The following GRIK4 variants were observed in gnomAD, a reference collection of about 807,000 sequenced individuals.
GRIK4 encodes glutamate receptor ionotropic, kainate 4.
Under a neutral mutation model 104.9 loss-of-function variants are expected in GRIK4, and 40 were observed. That is an observed-to-expected ratio of 0.38 (90% CI 0.30 to 0.50). GRIK4 has a LOEUF of 0.50. Among genes scored for constraint, GRIK4 ranks in the 20% least tolerant of loss-of-function variants. The probability of loss-of-function intolerance (pLI) is 0.93; values close to 1 mark genes in which losing one functional copy is unlikely to be tolerated. For missense variants in GRIK4, 1,047 were observed against 1,308.1 expected, an observed-to-expected ratio of 0.80 and a Z score of 3.08; for synonymous variants, 485 against 524.9, an observed-to-expected ratio of 0.92 and a Z score of 1.04.
At position 120,731,793 on chromosome 11, in the gene GRIK4, G is replaced by A. The variant is rs775407835; in HGVS notation, c.83-70900G>A. The stretch of plus-strand genomic sequence containing the variant: ...TCCTCCTGGTTCAATCTTGGAGGCC[G>A]TATCTAGGAATTTGTCTATTTCTTC... On this transcript the variant is annotated intron_variant, in intron 3 of 20. Coordinates refer to ENST00000527524, the MANE Select transcript of GRIK4 (RefSeq NM_014619.5). 4.6e-5 allele frequency among the ~76,000 whole-genome samples: 7 copies of A among 152,150 alleles called. 1 individual carries two copies. The South Asian group carries it at 6.2e-4, about 14-fold the overall frequency.
At chr11:120,587,217 G>A (rs1948677121) in intron 1 of GRIK4, among the ~76,000 whole-genome samples, 1 of 152,072 alleles carries the variant, frequency 6.6e-6, no homozygotes, top group South Asian at 2.1e-4. Context: ...TGATATAAGG[G>A]GAACTGGAAT....
In GRIK4 at chr11:120,986,323, C is replaced by T. The variant is rs560452399; in HGVS notation, c.*63C>T. On this transcript the variant is annotated 3_prime_UTR_variant, in exon 21 of 21. Transcript: ENST00000527524. ...CGGGAGGGGAGGGGCGGGGCGGGCG[C>T]TGCTGTCAGCCGCCAGCCGGAACTT... is the stretch of plus-strand genomic sequence containing the variant. 101 of 1,414,084 alleles carry T rather than the reference C, an allele frequency of 7.1e-5. No homozygotes were observed. The Middle Eastern group carries it at 1.5e-3, about 21-fold the overall frequency. The allele number at this position is 1,414,084 out of a possible 1,614,324, so 87.6% of individuals were successfully genotyped here. A position where few individuals can be genotyped will look rare whatever the true frequency, so the allele number is the denominator to read the frequency against.
intron 3 of GRIK4, among the ~76,000 whole-genome samples, chr11:120,669,422 C>A (rs1248451139): frequency 2.0e-5 from 3 of 152,162 alleles, no homozygotes; most frequent in Admixed American, 2.0e-4. Context: ...ACAGTGGGCT[C>A]CTGATTTTTC....
chr11:120,581,113 G>T lies in GRIK4; in HGVS notation c.-159+69226G>T, dbSNP rs192176496. Among the ~76,000 whole-genome samples the T allele has an allele frequency of 8.5e-4, 130 of 152,120 alleles. 1 individual carries two copies. The East Asian group carries it at 0.02, about 24-fold the overall frequency. ...TCTTTTGTACATTTTTATATTGGTT[G>T]TTATTATTGCATTTTGAGAGTTCTT... On this transcript the variant is annotated intron_variant, in intron 1 of 20. Transcript: ENST00000527524.
chr11:120,884,218 A>C (rs1005324882), intron 11 of GRIK4, among the ~76,000 whole-genome samples: 6 of 152,254 alleles, frequency 3.9e-5, no homozygotes, highest in Admixed American at 2.6e-4. Flanking sequence ...CTTTATGTGC[A>C]TCATAAAATT....
chr11:120,627,484 G>A (rs1949276226), intron 1 of GRIK4, among the ~76,000 whole-genome samples: 1 of 152,210 alleles, frequency 6.6e-6, no homozygotes, highest in African/African-American at 2.4e-5. Context: ...GGTTGTGCTA[G>A]CTCCTTCCAG....
chr11:120,619,894 C>A, intron 1 of GRIK4: 13 of 223,794 alleles, frequency 5.8e-5, no homozygotes, highest in South Asian at 1.6e-4. Flanking sequence ...TTTTTTAATA[C>A]TGAAAAGAGT....
At chr11:120,772,765 G>A (rs376915678) in intron 3 of GRIK4, among the ~76,000 whole-genome samples, 37 of 152,076 alleles carry the variant, frequency 2.4e-4, no homozygotes, top group African/African-American at 8.4e-4. Flanking sequence ...ATGGGATCTA[G>A]CATGCTGCTG....
At chr11:120,565,241 C>T (rs770644192) in intron 1 of GRIK4, among the ~76,000 whole-genome samples, 4 of 152,218 alleles carry the variant, frequency 2.6e-5, no homozygotes, top group Non-Finnish European at 5.9e-5. Context: ...GGCTGCTGAC[C>T]TCATTAGGCC....
intron 8 of GRIK4, among the ~76,000 whole-genome samples, chr11:120,839,040 G>T (rs1953652426): frequency 1.3e-5 from 2 of 152,216 alleles, no homozygotes; most frequent in South Asian, 4.2e-4. Context: ...GCCTGCCTTG[G>T]CCTCCAAAAA....
intron 1 of GRIK4, among the ~76,000 whole-genome samples, chr11:120,648,811 CAA>C (rs1372322037): frequency 7.9e-5 from 1 of 12,640 alleles, no homozygotes; most frequent in African/African-American, 7.3e-4. Flanking sequence ...TTAAGTGAAA[CAA>C]ACAAACAAAC....
intron 4 of GRIK4, among the ~76,000 whole-genome samples, chr11:120,804,126 A>C (rs1251901291): frequency 6.6e-6 from 1 of 152,198 alleles, no homozygotes; most frequent in Non-Finnish European, 1.5e-5. Context: ...TCCAGTTCAG[A>C]GGGCAGGAGA....
At chr11:120,910,246 T>C (rs1197000335) in intron 13 of GRIK4, among the ~76,000 whole-genome samples, 4 of 152,342 alleles carry the variant, frequency 2.6e-5, no homozygotes, top group African/African-American at 9.6e-5. Flanking sequence ...ACAGAGACCA[T>C]GGGCTTAGAC....
At chr11:120,805,942 C>T (rs1488190149) in intron 4 of GRIK4, among the ~76,000 whole-genome samples, 3 of 152,182 alleles carry the variant, frequency 2.0e-5, no homozygotes, top group Non-Finnish European at 4.4e-5. Context: ...GGTTTTAGAA[C>T]CAGACTGACC....
chr11:120,939,066 G>C lies in GRIK4; in HGVS notation c.1477-1281G>C, dbSNP rs540926242. Among the ~76,000 whole-genome samples, 1 of 152,316 alleles carries C rather than the reference G, an allele frequency of 6.6e-6. No homozygotes were observed. Among genetic ancestry groups the C allele is most frequent in the Middle Eastern group, 3.4e-3 (1 of 294 alleles). On this transcript the variant is annotated intron_variant, in intron 13 of 20. Transcript: ENST00000527524. This position sits in a 1 kb window ranked among gnomAD's most constrained non-coding sequence, Gnocchi z 5.6. The stretch of plus-strand genomic sequence containing the variant: ...GGAGCCTAGAGAAGTGAAGTGACTA[G>C]TCCAGGTTGGTTAGTTGGTTGTTAG...
intron 1 of GRIK4, among the ~76,000 whole-genome samples, chr11:120,529,381 C>T (rs1317968678): frequency 1.3e-5 from 2 of 152,194 alleles, no homozygotes; most frequent in Non-Finnish European, 2.9e-5. Context: ...CTGTGCCCAT[C>T]GACATTAGAG....
intron 8 of GRIK4, among the ~76,000 whole-genome samples, chr11:120,842,587 C>G (rs1164483517): frequency 6.6e-6 from 1 of 152,222 alleles, no homozygotes; most frequent in East Asian, 1.9e-4. Context: ...CCTGGCTTGT[C>G]TTTTTAGAGG....
intron 6 of GRIK4, among the ~76,000 whole-genome samples, chr11:120,828,305 C>T (rs1270945171): frequency 1.3e-5 from 2 of 152,180 alleles, no homozygotes; most frequent in Admixed American, 6.5e-5. Context: ...TACGCATATA[C>T]GTGCTCTCAA....
intron 1 of GRIK4, among the ~76,000 whole-genome samples, chr11:120,633,107 C>G (rs1463957016): frequency 6.6e-6 from 1 of 152,100 alleles, no homozygotes; most frequent in Admixed American, 6.5e-5. Context: ...GCCCACAGAG[C>G]CACCAGCGCC....
Sources: allele counts gnomAD v4.1 joint callset (sites outside exome capture counted in the v4.1 genomes callset), GRCh38; gene constraint gnomAD v4.1.1; non-coding constraint Gnocchi (gnomAD v3.1); transcripts MANE v1.5; gene names NCBI Gene and HGNC (gene_info 2026-07-23, HGNC 2026-07-21).